DLGAP1: variants seen among roughly 807,000 people sequenced by gnomAD.
DLGAP1 encodes the protein DLG associated protein 1.
A neutral mutation model predicts 90.8 loss-of-function variants in DLGAP1; 11 were observed. That is an observed-to-expected ratio of 0.12 (90% CI 0.08 to 0.20). The LOEUF is 0.20. DLGAP1 is among the 10% of genes least tolerant of loss of function. The probability of loss-of-function intolerance (pLI) is 1.00; values close to 1 mark genes in which losing one functional copy is unlikely to be tolerated. For synonymous variants in DLGAP1, 558 were observed against 540.7 expected, an observed-to-expected ratio of 1.03 and a Z score of -0.44; for missense variants, 1,050 against 1,333.8, an observed-to-expected ratio of 0.79 and a Z score of 3.31.
At chr18:3,915,081 T>C (rs57470879) in intron 3 of DLGAP1, among the ~76,000 whole-genome samples, 31,839 of 152,088 alleles carry the variant, frequency 0.21, 3,762 homozygotes, top group African/African-American at 0.32. Context: ...TGGTATCTCA[T>C]TGTGGTTTTA....
intron 11 of DLGAP1, 59 bp from the exon 12 acceptor site, chr18:3,502,704 C>T: frequency 5.8e-6 from 9 of 1,542,740 alleles, no homozygotes; most frequent in Non-Finnish European, 7.9e-6. Context: ...AAGCACAGGG[C>T]CAAAAAGGCA....
At chr18:3,588,275 C>T (rs1243772334) in intron 7 of DLGAP1, among the ~76,000 whole-genome samples, 1 of 152,116 alleles carries the variant, frequency 6.6e-6, no homozygotes, top group Non-Finnish European at 1.5e-5. Context: ...GCCTGAACAA[C>T]ATGGAGGAAC....
chr18:4,268,024 A>C (rs2079169357), intron 1 of DLGAP1, among the ~76,000 whole-genome samples: 1 of 152,234 alleles, frequency 6.6e-6, no homozygotes, highest in Non-Finnish European at 1.5e-5. Flanking sequence ...AGGTGTGAAT[A>C]CCAACCAGGA....
chr18:4,208,810 G>A (rs147673536), intron 1 of DLGAP1, among the ~76,000 whole-genome samples: 2 of 151,702 alleles, frequency 1.3e-5, no homozygotes, highest in African/African-American at 2.4e-5. Context: ...AGGTTGGGGG[G>A]GTGGAGAGAG....
rs189146692 is a variant in DLGAP1, at chr18:4,233,152, A to G, written c.-266-81865T>C. ...CTACATGATCAAATCACAATGATCA[A>G]AAACTAGGAAATGCTGGTACGGAGT... On this transcript the variant is annotated intron_variant, in intron 1 of 12. Coordinates refer to ENST00000315677, the MANE Select transcript of DLGAP1 (RefSeq NM_004746.4). Among the ~76,000 whole-genome samples, 21 of 152,308 alleles carry G rather than the reference A, an allele frequency of 1.4e-4. No individual in the cohort carries two copies. In the East Asian group the frequency reaches 4.1e-3, roughly 29 times the overall value.
chr18:4,112,924 G>T (rs2075998679), intron 2 of DLGAP1, among the ~76,000 whole-genome samples: 1 of 150,944 alleles, frequency 6.6e-6, no homozygotes, highest in African/African-American at 2.4e-5. Flanking sequence ...CCATGTTGCT[G>T]CAAAGGACAT....
chr18:3,940,862 A>G (rs2072753496), intron 3 of DLGAP1, among the ~76,000 whole-genome samples: 1 of 152,210 alleles, frequency 6.6e-6, no homozygotes, highest in Non-Finnish European at 1.5e-5. Context: ...GTACCCATCA[A>G]AAACTGATAG....
At chr18:4,064,868 A>G (rs974636989) in intron 2 of DLGAP1, among the ~76,000 whole-genome samples, 5 of 152,194 alleles carry the variant, frequency 3.3e-5, no homozygotes, top group African/African-American at 1.2e-4. Context: ...TGGCAAAGAT[A>G]CAACAAAAAA....
At chr18:3,535,570 T>C (rs1270627733) in intron 9 of DLGAP1, among the ~76,000 whole-genome samples, 1 of 151,294 alleles carries the variant, frequency 6.6e-6, no homozygotes, top group Admixed American at 6.6e-5. Context: ...TAGTCGGGCG[T>C]GGTGGTGGGC....
chr18:4,243,825 T>C (rs1198075995), intron 1 of DLGAP1, among the ~76,000 whole-genome samples: 2 of 152,192 alleles, frequency 1.3e-5, no homozygotes, highest in African/African-American at 4.8e-5. Context: ...TTATCTTTTT[T>C]TTACCCTACA....
At chr18:4,400,417 T>G (rs1032366875) in intron 1 of DLGAP1, among the ~76,000 whole-genome samples, 1 of 152,368 alleles carries the variant, frequency 6.6e-6, no homozygotes, top group East Asian at 1.9e-4. Flanking sequence ...TTTTCAAACC[T>G]GCTGCTACAG....
chr18:4,118,281 C>T (rs1475342857), intron 2 of DLGAP1, among the ~76,000 whole-genome samples: 1 of 152,128 alleles, frequency 6.6e-6, no homozygotes, highest in African/African-American at 2.4e-5. Flanking sequence ...CCTGCCTCTT[C>T]CTGAGCAGCA....
In DLGAP1 at chr18:3,669,772, T is replaced by G. The variant is rs559829719; in HGVS notation, c.1591+59363A>C. 1.9e-4 allele frequency among the ~76,000 whole-genome samples: 29 copies of G among 152,280 alleles called. No individual in the cohort carries two copies. In the East Asian group the frequency reaches 4.4e-3, roughly 23 times the overall value. On this transcript the variant is annotated intron_variant, in intron 7 of 12. Transcript: ENST00000315677. ...CCAAGCCCCCATGTGATCCAGTTCT[T>G]CCGGTGCACCAAGGCAAGAACCCGG...
chr18:4,162,919 T>A (rs199539587), intron 1 of DLGAP1, among the ~76,000 whole-genome samples: 3,002 of 126,166 alleles, frequency 0.024, 82 homozygotes, highest in African/African-American at 0.12. Context: ...AGTTTTTTTT[T>A]AAAAAAAAAC....
chr18:4,199,222 T>G (rs916685494), intron 1 of DLGAP1, among the ~76,000 whole-genome samples: 12 of 152,176 alleles, frequency 7.9e-5, no homozygotes, highest in Non-Finnish European at 1.5e-4. Flanking sequence ...TGGAGGAGGG[T>G]GGGCCTCCCA....
intron 11 of DLGAP1, among the ~76,000 whole-genome samples, chr18:3,504,730 C>T (rs1289970083): frequency 6.6e-6 from 1 of 152,178 alleles, no homozygotes; most frequent in Non-Finnish European, 1.5e-5. Context: ...CAACTCGTTC[C>T]CTTCTCATAA....
At chr18:4,349,590 T>C (rs2081366344) in intron 1 of DLGAP1, among the ~76,000 whole-genome samples, 1 of 152,086 alleles carries the variant, frequency 6.6e-6, no homozygotes, top group Non-Finnish European at 1.5e-5. Context: ...TTTACTGTTC[T>C]GCATCAGCAA....
In DLGAP1 at chr18:3,742,415, C is replaced by T; in HGVS notation, c.1270G>A (p.Asp424Asn). Reference protein sequence around the residue: ...VSINRSLDSLDPAGLLTSPKF... With the variant: ...VSINRSLDSLNPAGLLTSPKF... ...GGTGATGTGAGCAAGCCTGCAGGGT[C>T]CAGGCTGTCCAGGCTCCGGTTGATG... is the stretch of plus-strand genomic sequence containing the variant. The change falls in exon 6 of 13, where the codon GAC becomes AAC. Residue 424 changes from aspartate (D) to asparagine (N), a missense_variant. Asp to Asn is a conservative substitution (Grantham distance 23, BLOSUM62 1). Around this residue, in one of 2 missense-constraint regions of DLGAP1, gnomAD observed 565 missense variants for 879.7 expected, o/e 0.64. Transcript: ENST00000315677. 6.2e-7 allele frequency: 1 copy of T among 1,614,174 alleles called. No homozygotes were observed.
intron 1 of DLGAP1, among the ~76,000 whole-genome samples, chr18:4,298,150 T>C (rs4797157): frequency 0.25 from 37,618 of 152,022 alleles, 4,788 homozygotes; most frequent in Middle Eastern, 0.27. Flanking sequence ...AATCCGTGCA[T>C]ACCCAAGTCC....
Sources: gnomAD v4.1 joint callset for allele counts (sites outside exome capture counted in the v4.1 genomes callset) on GRCh38, gnomAD v4.1.1 for gene constraint, gnomAD v4.1.1 regional missense constraint, MANE v1.5 for transcripts, NCBI Gene and HGNC (gene_info 2026-07-23, HGNC 2026-07-21) for gene names.